The following AP5S1 variants were observed in gnomAD, a reference collection of about 807,000 sequenced individuals.
AP5S1 encodes adaptor related protein complex 5 subunit sigma 1.
Under a neutral mutation model 13.9 loss-of-function variants are expected in AP5S1, and 13 were observed. That is an observed-to-expected ratio of 0.94 (90% CI 0.61 to 1.49). The LOEUF is 1.49. Among genes scored for constraint, AP5S1 ranks in the 40% most tolerant of loss-of-function variants. The probability of loss-of-function intolerance (pLI) is 0.00; values close to 1 mark genes in which losing one functional copy is unlikely to be tolerated. For missense variants in AP5S1, 292 were observed against 272.3 expected, an observed-to-expected ratio of 1.07 and a Z score of -0.51; for synonymous variants, 132 against 121.8, an observed-to-expected ratio of 1.08 and a Z score of -0.55.
At chr20:3,822,705 G>C (rs1240342182) in intron 2 of AP5S1, among the ~76,000 whole-genome samples, 1 of 152,178 alleles carries the variant, frequency 6.6e-6, no homozygotes, top group Non-Finnish European at 1.5e-5. Flanking sequence ...GCAGAACTAA[G>C]ATTTGAGAGT....
chr20:3,826,865 G>C lies in AP5S1; in HGVS notation c.*2568G>C, dbSNP rs989824482. ...GATACAGAATGACCCCAAAGTTCCA[G>C]GAGAGACAGAGCTAAGGCCAGGTGA... On this transcript the variant is annotated 3_prime_UTR_variant, in exon 3 of 3. Transcript: ENST00000615891. 32 of 152,416 alleles carry C rather than the reference G, an allele frequency of 2.1e-4. No homozygotes were observed. Among genetic ancestry groups the C allele is most frequent in the African/African-American group, 7.2e-4 (30 of 41,586 alleles). The allele number at this position is 152,416 out of a possible 1,614,324, so 9.4% of individuals were successfully genotyped here. A position where few individuals can be genotyped will look rare whatever the true frequency, so the allele number is the denominator to read the frequency against.
At position 3,827,087 on chromosome 20, in the gene AP5S1, C is replaced by G. The variant is rs1030008568; in HGVS notation, c.*2790C>G. The stretch of plus-strand genomic sequence containing the variant: ...AAGCCTCTTCCCTTTCTTCTCCCTG[C>G]CCCAGGAACCCTGGCCAAACCACAT... On this transcript the variant is annotated 3_prime_UTR_variant, in exon 3 of 3. Coordinates refer to ENST00000615891, the MANE Select transcript of AP5S1 (RefSeq NM_018347.3). 1.3e-5 allele frequency: 2 copies of G among 152,240 alleles called. No homozygotes were observed. Among genetic ancestry groups the G allele is most frequent in the Non-Finnish European group, 2.9e-5 (2 of 68,070 alleles). 9.4% of individuals were successfully genotyped at this position (152,240 alleles called of 1,614,324 possible).
Position 3,824,001 on chromosome 20 carries a change from G to A in AP5S1, c.307G>A (p.Glu103Lys). ...APRGAFRLAA[E>K]NPFQEPRTVV... ...ACGTGGGGCTTTCCGCCTGGCAGCAGAGAACCCTTTCCAGGAGCCACGGAC... is the reference window on the plus strand; with the variant it reads ...ACGTGGGGCTTTCCGCCTGGCAGCAAAGAACCCTTTCCAGGAGCCACGGAC... Residue 103 changes from glutamate to lysine, a missense_variant, in exon 3 of 3, where the codon GAG (glutamate) becomes AAG (lysine). Physicochemically the swap from Glu to Lys is moderately conservative, Grantham distance 56. Transcript: ENST00000615891. The A allele has an allele frequency of 1.2e-6, 2 of 1,613,360 alleles. No homozygotes were observed. Among genetic ancestry groups the A allele is most frequent in the African/African-American group, 1.3e-5 (1 of 75,074 alleles).
chr20:3,824,552 T>C lies in AP5S1; in HGVS notation c.*255T>C. The C allele has an allele frequency of 5.7e-6, 3 of 528,516 alleles. No homozygotes were observed. Among genetic ancestry groups the C allele is most frequent in the Non-Finnish European group, 1.0e-5 (3 of 295,330 alleles). 32.7% of individuals were successfully genotyped at this position (528,516 alleles called of 1,614,324 possible). ...ACCGCTGCCGTGCGGCAGCCACGCT[T>C]GTCCTTGAACCCACCTTCCTCCATC... On this transcript the variant is annotated 3_prime_UTR_variant, in exon 3 of 3. Transcript: ENST00000615891.
rs2089629644 is a variant in AP5S1, at chr20:3,827,196, C to G, written c.*2899C>G. ...ACCTCCACAAACACTCCTGGGACAA[C>G]AGATGATGACAGGAGGGCAGTAGAG... On this transcript the variant is annotated 3_prime_UTR_variant, in exon 3 of 3. Coordinates refer to ENST00000615891, the MANE Select transcript of AP5S1 (RefSeq NM_018347.3). 6.6e-6 allele frequency: 1 copy of G among 152,318 alleles called. No individual in the cohort carries two copies. The highest frequency in any genetic ancestry group is 1.5e-5 in the Non-Finnish European group (1 of 68,114). 9.4% of individuals were successfully genotyped at this position (152,318 alleles called of 1,614,324 possible).
rs1014894524 is a variant in AP5S1 at position 3,826,337 on chromosome 20, C to G, written c.*2040C>G. 2 of 152,164 alleles carry G rather than the reference C, an allele frequency of 1.3e-5. No homozygotes were observed. Among genetic ancestry groups the G allele is most frequent in the African/African-American group, 4.8e-5 (2 of 41,446 alleles). 9.4% of individuals were successfully genotyped at this position (152,164 alleles called of 1,614,324 possible). A position where few individuals can be genotyped will look rare whatever the true frequency, so the allele number is the denominator to read the frequency against. ...GCCAAGTCCCACCAGTGGAAATGTC[C>G]CACAGGCCTCTAGTAGGGACACCCC... On this transcript the variant is annotated 3_prime_UTR_variant, in exon 3 of 3. Transcript: ENST00000615891.
Position 3,824,293 on chromosome 20 carries a change from G to A in AP5S1, c.599G>A (p.Arg200His), listed in dbSNP as rs202190509. The change falls in exon 3 of 3, where the codon CGC becomes CAC. Residue 200 changes from arginine to histidine, a missense_variant. Coordinates refer to ENST00000615891, the MANE Select transcript of AP5S1 (RefSeq NM_018347.3). Reference sequence around the variant, plus strand: ...AAGGAATTCAGTGCCGCTTGGCCCCGCTGATTCCTCGTTGGGATGGTGCTT... The same window carrying A: ...AAGGAATTCAGTGCCGCTTGGCCCCACTGATTCCTCGTTGGGATGGTGCTT... ...LEKEFSAAWPR is the reference protein window; with the variant it reads ...LEKEFSAAWPH 17 of 1,609,528 alleles carry A rather than the reference G, an allele frequency of 1.1e-5. No homozygotes were observed. The highest frequency in any genetic ancestry group is 1.3e-5 in the Non-Finnish European group (15 of 1,176,846).
chr20:3,823,974 C>A lies in AP5S1; in HGVS notation c.280C>A (p.Pro94Thr). The A allele has an allele frequency of 6.2e-7, 1 of 1,611,630 alleles. No homozygotes were observed. Among genetic ancestry groups the A allele is most frequent in the African/African-American group, 1.3e-5 (1 of 75,072 alleles). The change falls in exon 3 of 3, where the codon CCA becomes ACA. Residue 94 changes from proline (P) to threonine (T), a missense_variant. Physicochemically the swap from Pro to Thr is conservative, Grantham distance 38. Coordinates refer to ENST00000615891, the MANE Select transcript of AP5S1 (RefSeq NM_018347.3). ...SDEQVPLHEAPRGAFRLAAEN... is the reference protein window; with the variant it reads ...SDEQVPLHEATRGAFRLAAEN... ...TGAGCAAGTGCCGCTGCACGAGGCC[C>A]CACGTGGGGCTTTCCGCCTGGCAGC...
At chr20:3,821,008 G>A (rs995389264) in intron 1 of AP5S1, among the ~76,000 whole-genome samples, 5 of 152,244 alleles carry the variant, frequency 3.3e-5, no homozygotes, top group African/African-American at 1.2e-4. Flanking sequence ...CACTGAGCCA[G>A]CCAGATAACC....
In AP5S1 at chr20:3,826,204, T is replaced by C. The variant is rs2089623748; in HGVS notation, c.*1907T>C. 1 of 152,292 alleles carries C rather than the reference T, an allele frequency of 6.6e-6. No individual in the cohort carries two copies. Among genetic ancestry groups the C allele is most frequent in the South Asian group, 2.1e-4 (1 of 4,834 alleles). The allele number at this position is 152,292 out of a possible 1,614,324, so 9.4% of individuals were successfully genotyped here. On this transcript the variant is annotated 3_prime_UTR_variant, in exon 3 of 3. Coordinates refer to ENST00000615891, the MANE Select transcript of AP5S1 (RefSeq NM_018347.3). ...CAAGGCCACCAGCCATGCCAGGCCT[T>C]CTACCACCACTGTCAACATAATTGG...
intron 2 of AP5S1, chr20:3,823,584 C>A (rs2089600282): frequency 1.0e-6 from 1 of 985,242 alleles, no homozygotes; most frequent in Non-Finnish European, 1.2e-6. Flanking sequence ...TGGAGAAGGC[C>A]TCTGTGAAGC....
In AP5S1 at chr20:3,826,628, A is replaced by G. The variant is rs987081456; in HGVS notation, c.*2331A>G. The G allele has an allele frequency of 3.9e-5, 6 of 152,212 alleles. No individual in the cohort carries two copies. Among genetic ancestry groups the G allele is most frequent in the African/African-American group, 1.4e-4 (6 of 41,442 alleles). 9.4% of individuals were successfully genotyped at this position (152,212 alleles called of 1,614,324 possible). On this transcript the variant is annotated 3_prime_UTR_variant, in exon 3 of 3. Transcript: ENST00000615891. ...GGGGCAAACTGATGGACAAGAGAAT[A>G]GTAGAGACTGAGACCACACCGTGGG... is the stretch of plus-strand genomic sequence containing the variant.
In AP5S1 at chr20:3,823,453, A is replaced by G. The variant is rs191968601; in HGVS notation, c.177-418A>G. 4.3e-4 allele frequency: 317 copies of G among 740,538 alleles called. 1 individual carries two copies. The highest frequency in any genetic ancestry group is 4.2e-3 in the Middle Eastern group (6 of 1,418). The allele number at this position is 740,538 out of a possible 1,614,324, so 45.9% of individuals were successfully genotyped here. ...TTTTTAGTAGAGACGGGGTTTCACTATGTTAGCCAGGATGGTCTCGATCTC... is the reference window on the plus strand; with the variant it reads ...TTTTTAGTAGAGACGGGGTTTCACTGTGTTAGCCAGGATGGTCTCGATCTC... On this transcript the variant is annotated intron_variant, in intron 2 of 2. Coordinates refer to ENST00000615891, the MANE Select transcript of AP5S1 (RefSeq NM_018347.3).
At chr20:3,821,782 A>G (rs1490853445) in intron 1 of AP5S1, 1 of 428,348 alleles carries the variant, frequency 2.3e-6, no homozygotes, top group South Asian at 9.9e-5. Context: ...CCATGACCGC[A>G]TGACCTTGAC....
chr20:3,824,550 C>A lies in AP5S1; in HGVS notation c.*253C>A. 1.9e-6 allele frequency: 1 copy of A among 533,820 alleles called. No individual in the cohort carries two copies. The highest frequency in any genetic ancestry group is 2.3e-5 in the South Asian group (1 of 42,920). The allele number at this position is 533,820 out of a possible 1,614,324, so 33.1% of individuals were successfully genotyped here. On this transcript the variant is annotated 3_prime_UTR_variant, in exon 3 of 3. Transcript: ENST00000615891. ...AGACCGCTGCCGTGCGGCAGCCACG[C>A]TTGTCCTTGAACCCACCTTCCTCCA...
In AP5S1 at chr20:3,826,239, A is replaced by G. The variant is rs1369034208; in HGVS notation, c.*1942A>G. 6.6e-6 allele frequency: 1 copy of G among 152,172 alleles called. No individual in the cohort carries two copies. Among genetic ancestry groups the G allele is most frequent in the African/African-American group, 2.4e-5 (1 of 41,452 alleles). The allele number at this position is 152,172 out of a possible 1,614,324, so 9.4% of individuals were successfully genotyped here. On this transcript the variant is annotated 3_prime_UTR_variant, in exon 3 of 3. Transcript: ENST00000615891. ...CTGTCAACATAATTGGGATGAGGCC[A>G]CCTTTTCCATTTTATGGTGCCACAA...
chr20:3,826,687 A>G lies in AP5S1; in HGVS notation c.*2390A>G, dbSNP rs2089627042. 6.6e-6 allele frequency: 1 copy of G among 152,332 alleles called. No homozygotes were observed. The highest frequency in any genetic ancestry group is 2.1e-4 in the South Asian group (1 of 4,830). 9.4% of individuals were successfully genotyped at this position (152,332 alleles called of 1,614,324 possible). A position where few individuals can be genotyped will look rare whatever the true frequency, so the allele number is the denominator to read the frequency against. On this transcript the variant is annotated 3_prime_UTR_variant, in exon 3 of 3. Transcript: ENST00000615891. Reference sequence around the variant, plus strand: ...GCTCCAGTTCCTGTCCAGCTGGACCAGGGTTTTCTTAACCAGATGAGCTTG... The same window carrying G: ...GCTCCAGTTCCTGTCCAGCTGGACCGGGGTTTTCTTAACCAGATGAGCTTG...
Position 3,822,184 on chromosome 20 carries a change from G to C in AP5S1, c.67G>C (p.Val23Leu). The C allele has an allele frequency of 6.2e-7, 1 of 1,614,176 alleles. No individual in the cohort carries two copies. ...TACTGAGGACACGGGCCTTTGCCGA[G>C]TGCTGTACTCCTGCGTCTTCGGTGC... ...PNTEDTGLCR[V>L]LYSCVFGAEK... is the part of the protein sequence containing the mutation. Residue 23 changes from valine to leucine, a missense_variant, in exon 2 of 3, where the codon GTG becomes CTG. Val to Leu is a conservative substitution (Grantham distance 32, BLOSUM62 1). Transcript: ENST00000615891.
In AP5S1 at chr20:3,824,439, G is replaced by A; in HGVS notation, c.*142G>A. The stretch of plus-strand genomic sequence containing the variant: ...GGTGACACAAGCCTGCAGAAAGGGG[G>A]CTGGGCAGAGGGTGGAGGAGGTCCT... On this transcript the variant is annotated 3_prime_UTR_variant, in exon 3 of 3. Coordinates refer to ENST00000615891, the MANE Select transcript of AP5S1 (RefSeq NM_018347.3). 1.2e-6 allele frequency: 1 copy of A among 866,758 alleles called. No individual in the cohort carries two copies. Among genetic ancestry groups the A allele is most frequent in the Admixed American group, 2.8e-5 (1 of 36,182 alleles). The allele number at this position is 866,758 out of a possible 1,614,324, so 53.7% of individuals were successfully genotyped here. A position where few individuals can be genotyped will look rare whatever the true frequency, so the allele number is the denominator to read the frequency against.
Sources: gnomAD v4.1 joint callset for allele counts (sites outside exome capture counted in the v4.1 genomes callset) on GRCh38, gnomAD v4.1.1 for gene constraint, MANE v1.5 for transcripts, NCBI Gene and HGNC (gene_info 2026-07-23, HGNC 2026-07-21) for gene names.